The following NTN4 variants were observed in gnomAD, a reference collection of about 807,000 sequenced individuals.
The protein encoded by NTN4 is netrin 4, also known as netrin-4.
Under a neutral mutation model 73.6 loss-of-function variants are expected in NTN4, and 32 were observed. The observed-to-expected ratio is 0.44, with a 90% CI of 0.33 to 0.58. The LOEUF is 0.58. NTN4 is among the 20% of genes least tolerant of loss of function. The probability of loss-of-function intolerance (pLI) is 0.04; values close to 1 mark genes in which losing one functional copy is unlikely to be tolerated. For missense variants in NTN4, 654 were observed against 798.3 expected (o/e 0.82, Z 2.18); for synonymous variants, 258 against 287.5 (o/e 0.90, Z 1.04).
At chr12:95,733,368 C>T (rs1565900417) in intron 3 of NTN4, among the ~76,000 whole-genome samples, 3 of 152,294 alleles carry the variant, frequency 2.0e-5, no homozygotes, top group South Asian at 2.1e-4. Context: ...ACATGTCAAA[C>T]AGCACATAAG....
intron 2 of NTN4, among the ~76,000 whole-genome samples, chr12:95,762,844 G>C (rs965439914): frequency 7.9e-5 from 12 of 152,198 alleles, no homozygotes; most frequent in Non-Finnish European, 1.5e-4. Context: ...GCTCGAAAGA[G>C]AAATTGGCAA....
chr12:95,754,817 C>A (rs2078937275), intron 2 of NTN4, among the ~76,000 whole-genome samples: 1 of 152,202 alleles, frequency 6.6e-6, no homozygotes, highest in Non-Finnish European at 1.5e-5. Context: ...CCCGCCTGCA[C>A]CCAGGTGAAA....
rs118154294 is a variant in NTN4, at chr12:95,766,517, T to A, written c.585+20422A>T. On this transcript the variant is annotated intron_variant, in intron 2 of 9. Coordinates refer to ENST00000343702, the MANE Select transcript of NTN4 (RefSeq NM_021229.4). ...AGTTTTTTAGAAAGTTATTTGGTCA[T>A]ACTCTTGCCTTTTGAAAGCATCAGA... Among the ~76,000 whole-genome samples the A allele has an allele frequency of 9.0e-3, 1,376 of 152,340 alleles. 43 individuals are homozygous for A. The highest frequency in any genetic ancestry group is 0.087 in the East Asian group (452 of 5,182).
chr12:95,745,780 GTT>G (rs1396923357), intron 2 of NTN4, among the ~76,000 whole-genome samples: 1 of 152,186 alleles, frequency 6.6e-6, no homozygotes. Flanking sequence ...TTGGGATGCA[GTT>G]CAGTTTCCTG....
chr12:95,671,149 C>G (rs2120944911), intron 7 of NTN4: 1 of 152,324 alleles, frequency 6.6e-6, no homozygotes, highest in Admixed American at 6.5e-5. Context: ...CAGGTGCACA[C>G]CACCACGCCT....
At chr12:95,723,116 G>A (rs924429255) in intron 3 of NTN4, among the ~76,000 whole-genome samples, 2 of 151,394 alleles carry the variant, frequency 1.3e-5, no homozygotes, top group African/African-American at 4.9e-5. Context: ...TCAGAATAAT[G>A]ATTTCCTAGA....
At chr12:95,687,588 A>T (rs2078371554) in intron 5 of NTN4, among the ~76,000 whole-genome samples, 2 of 151,976 alleles carry the variant, frequency 1.3e-5, no homozygotes, top group South Asian at 4.2e-4. Context: ...TTTAATAGAG[A>T]TGGAGTTTCA....
intron 2 of NTN4, among the ~76,000 whole-genome samples, chr12:95,762,770 G>T (rs1032184899): frequency 2.0e-5 from 3 of 152,196 alleles, no homozygotes; most frequent in African/African-American, 4.8e-5. Flanking sequence ...TGAAAGTACA[G>T]AATTTTTCAG....
intron 8 of NTN4, among the ~76,000 whole-genome samples, chr12:95,668,828 A>T (rs1161735808): frequency 6.6e-6 from 1 of 152,002 alleles, no homozygotes; most frequent in Non-Finnish European, 1.5e-5. Context: ...CATCTCTGCT[A>T]AAAATACAAA....
rs77808642 is a variant in NTN4, at chr12:95,789,829, G to C, written c.55+426C>G. On this transcript the variant is annotated intron_variant, in intron 1 of 9. Coordinates refer to ENST00000343702, the MANE Select transcript of NTN4 (RefSeq NM_021229.4). The surrounding 1 kb of genome is among the most constrained non-coding windows in gnomAD (Gnocchi z 4.0). ...GCACCAGGTCAGGGACACCAGCGAT[G>C]GGCTTCTACCAGAGACCGGCCCCAG... 9,025 of 165,014 alleles carry C rather than the reference G, an allele frequency of 0.055. 309 individuals are homozygous for C. Among genetic ancestry groups the C allele is most frequent in the Non-Finnish European group, 0.081 (6,197 of 76,694 alleles). The allele number at this position is 165,014 out of a possible 1,614,324, so 10.2% of individuals were successfully genotyped here.
At chr12:95,780,098 T>A (rs948722233) in intron 2 of NTN4, among the ~76,000 whole-genome samples, 1 of 152,170 alleles carries the variant, frequency 6.6e-6, no homozygotes, top group Non-Finnish European at 1.5e-5. Context: ...GCTAGCCATA[T>A]GTAGAAAGCT....
At chr12:95,745,916 G>C (rs1457450560) in intron 2 of NTN4, among the ~76,000 whole-genome samples, 2 of 152,160 alleles carry the variant, frequency 1.3e-5, no homozygotes, top group African/African-American at 4.8e-5. Flanking sequence ...CTCTAACAAT[G>C]AATTACAAGG....
At chr12:95,701,715 C>T (rs2078486247) in intron 5 of NTN4, among the ~76,000 whole-genome samples, 1 of 152,070 alleles carries the variant, frequency 6.6e-6, no homozygotes, top group Non-Finnish European at 1.5e-5. Context: ...CACATAAAAC[C>T]ATAGCATTTA....
At chr12:95,733,541 T>A (rs568228901) in intron 3 of NTN4, among the ~76,000 whole-genome samples, 3 of 152,228 alleles carry the variant, frequency 2.0e-5, no homozygotes, top group South Asian at 4.1e-4. Flanking sequence ...CTACAAAAGG[T>A]AGATATTATC....
chr12:95,729,626 AGAGAGAGT>A (rs769191322), intron 3 of NTN4, among the ~76,000 whole-genome samples: 6,907 of 122,144 alleles, frequency 0.057, 172 homozygotes, highest in Middle Eastern at 0.083. Flanking sequence ...AGAGAGAGAG[AGAGAGAGT>A]GTGTGTGTGT....
intron 2 of NTN4, among the ~76,000 whole-genome samples, chr12:95,778,037 T>C (rs1230303121): frequency 6.6e-6 from 1 of 152,130 alleles, no homozygotes; most frequent in African/African-American, 2.4e-5. Flanking sequence ...ACATGGAAAC[T>C]GAACAACCTG....
intron 7 of NTN4, among the ~76,000 whole-genome samples, chr12:95,675,746 T>C (rs1239239762): frequency 6.6e-6 from 1 of 152,184 alleles, no homozygotes; most frequent in Non-Finnish European, 1.5e-5. Flanking sequence ...GGGTCCGCTT[T>C]CAGAATCAGG....
intron 5 of NTN4, among the ~76,000 whole-genome samples, chr12:95,693,482 G>A (rs1361160136): frequency 6.6e-6 from 1 of 152,016 alleles, no homozygotes; most frequent in Non-Finnish European, 1.5e-5. Flanking sequence ...TGTAATCACA[G>A]CACTTTGAGA....
intron 3 of NTN4, among the ~76,000 whole-genome samples, chr12:95,729,863 T>A (rs1034043833): frequency 6.6e-6 from 1 of 152,196 alleles, no homozygotes; most frequent in African/African-American, 2.4e-5. Context: ...AGAAGTCAGA[T>A]ATCTATCAGT....
Sources: gnomAD v4.1 joint callset for allele counts (sites outside exome capture counted in the v4.1 genomes callset) on GRCh38, gnomAD v4.1.1 for gene constraint, Gnocchi (gnomAD v3.1) non-coding constraint, MANE v1.5 for transcripts, NCBI Gene and HGNC (gene_info 2026-07-23, HGNC 2026-07-21) for gene names.